The following NEBL variants were observed in gnomAD, a reference collection of about 807,000 sequenced individuals.
NEBL encodes LIM and SH3 protein 2.
NEBL carries 122 observed loss-of-function variants against 140.2 expected under a neutral mutation model. The ratio of observed to expected loss-of-function variants is 0.87; its 90% CI spans 0.75 to 1.01. NEBL has a LOEUF of 1.01. NEBL is among the 50% of genes least tolerant of loss of function. The probability of loss-of-function intolerance (pLI) is 0.00; values close to 1 mark genes in which losing one functional copy is unlikely to be tolerated. For synonymous variants in NEBL, 436 were observed against 398.9 expected, an observed-to-expected ratio of 1.09 and a Z score of -1.11; for missense variants, 1,365 against 1,231.3, an observed-to-expected ratio of 1.11 and a Z score of -1.62.
At chr10:20,826,389 T>C in intron 18 of NEBL, 58 bp downstream of exon 18, 2 of 1,321,750 alleles carry the variant, frequency 1.5e-6, no homozygotes, top group Non-Finnish European at 2.2e-6. Flanking sequence ...ACTAAAAACA[T>C]TTGTCTATAG....
At chr10:21,163,205 G>T (rs502246) in intron 2 of NEBL, among the ~76,000 whole-genome samples, 2 of 151,824 alleles carry the variant, frequency 1.3e-5, no homozygotes, top group Admixed American at 6.6e-5. Flanking sequence ...TAGAAACCCA[G>T]TTTTTTTTCC....
At chr10:20,938,510 A>G (rs1419113502) in intron 4 of NEBL, among the ~76,000 whole-genome samples, 1 of 152,226 alleles carries the variant, frequency 6.6e-6, no homozygotes, top group African/African-American at 2.4e-5. Context: ...AGAAAAGCTG[A>G]AAATTCTAAA....
At chr10:20,985,547 C>T (rs1837221898) in intron 3 of NEBL, among the ~76,000 whole-genome samples, 1 of 152,172 alleles carries the variant, frequency 6.6e-6, no homozygotes, top group Non-Finnish European at 1.5e-5. Context: ...CATGAAATCT[C>T]AATCTAAGCT....
intron 17 of NEBL, among the ~76,000 whole-genome samples, chr10:20,826,782 T>C (rs1354215681): frequency 6.6e-6 from 1 of 152,200 alleles, no homozygotes; most frequent in Non-Finnish European, 1.5e-5. Context: ...CTACCATGGC[T>C]GACTGCAGAT....
At chr10:21,193,873 T>C (rs2132219506) in intron 3 of NEBL, among the ~76,000 whole-genome samples, 1 of 152,358 alleles carries the variant, frequency 6.6e-6, no homozygotes, top group East Asian at 1.9e-4. Flanking sequence ...TCTTTTCACA[T>C]GCATATTATT....
chr10:20,961,049 A>T (rs1335860113), intron 4 of NEBL, among the ~76,000 whole-genome samples: 1 of 152,182 alleles, frequency 6.6e-6, no homozygotes. Flanking sequence ...AAGAAACATA[A>T]TCACAGGTGT....
At chr10:21,229,605 GGAGA>G (rs1483491317) in intron 3 of NEBL, among the ~76,000 whole-genome samples, 1 of 152,156 alleles carries the variant, frequency 6.6e-6, no homozygotes, top group Non-Finnish European at 1.5e-5. Flanking sequence ...TCATCTGACT[GGAGA>G]GTAAGTGGTG....
chr10:21,260,773 C>T (rs1195385223), intron 1 of NEBL, among the ~76,000 whole-genome samples: 2 of 152,180 alleles, frequency 1.3e-5, no homozygotes, highest in Non-Finnish European at 2.9e-5. Context: ...CTCATTATGC[C>T]CTTGCTGAAG....
intron 3 of NEBL, among the ~76,000 whole-genome samples, chr10:20,962,150 A>T (rs1836080613): frequency 6.6e-6 from 1 of 152,240 alleles, no homozygotes; most frequent in South Asian, 2.1e-4. Flanking sequence ...GATTATCACC[A>T]TTAATACCAT....
At chr10:21,188,930 G>A (rs1296707689) in intron 3 of NEBL, among the ~76,000 whole-genome samples, 3 of 151,886 alleles carry the variant, frequency 2.0e-5, no homozygotes, top group Non-Finnish European at 4.4e-5. Flanking sequence ...AAATAGAGTG[G>A]ATGAAAATTA....
chr10:21,223,292 T>A (rs1274283706), intron 3 of NEBL, among the ~76,000 whole-genome samples: 1 of 152,248 alleles, frequency 6.6e-6, no homozygotes, highest in Non-Finnish European at 1.5e-5. Flanking sequence ...TAAGTGAGAA[T>A]ATGTGAAGTT....
intron 3 of NEBL, among the ~76,000 whole-genome samples, chr10:20,968,839 C>T (rs1221420683): frequency 6.6e-6 from 1 of 152,152 alleles, no homozygotes; most frequent in African/African-American, 2.4e-5. Context: ...TGGTGAGGGT[C>T]GCAATATTTT....
intron 2 of NEBL, among the ~76,000 whole-genome samples, chr10:21,251,063 T>G (rs1842582211): frequency 6.6e-6 from 1 of 152,130 alleles, no homozygotes; most frequent in African/African-American, 2.4e-5. Context: ...ACCTAGTTAT[T>G]TAGTATAATC....
At chr10:21,227,711 T>TTCTTTTTTC (rs1456600511) in intron 3 of NEBL, among the ~76,000 whole-genome samples, 1 of 46,424 alleles carries the variant, frequency 2.2e-5, no homozygotes, top group African/African-American at 6.6e-5. Context: ...CTTCTTCTTC[T>TTCTTTTTTC]TTCTTCTTCT....
In NEBL at chr10:21,200,148, C is replaced by T. The variant is rs1841710165; in HGVS notation, n.349-27671G>A. On this transcript the variant is annotated intron_variant and non_coding_transcript_variant, in intron 3 of 8. Coordinates refer to the NEBL transcript ENST00000675702. ...GCCCAACCCTGCATTCCTCGCTACC[C>T]TACAGGTGCTGCACCAAAGAGCATG... Among the ~76,000 whole-genome samples, 5 of 152,076 alleles carry T rather than the reference C, an allele frequency of 3.3e-5. No individual in the cohort carries two copies. The South Asian group carries it at 1.0e-3, about 32-fold the overall frequency.
At chr10:21,252,358 AC>A (rs1234206215) in intron 1 of NEBL, among the ~76,000 whole-genome samples, 2 of 152,368 alleles carry the variant, frequency 1.3e-5, no homozygotes, top group African/African-American at 4.8e-5. Context: ...CTAAAGACAG[AC>A]AAAAAAAGCA....
chr10:21,125,645 A>G (rs1331632565), intron 2 of NEBL: 1 of 497,536 alleles, frequency 2.0e-6, no homozygotes, highest in Admixed American at 3.4e-5. Flanking sequence ...AGCCATCAAA[A>G]ATAGTTTGAT....
chr10:21,180,440 G>A (rs971270806), intron 3 of NEBL, among the ~76,000 whole-genome samples: 1 of 152,150 alleles, frequency 6.6e-6, no homozygotes, highest in African/African-American at 2.4e-5. Flanking sequence ...ATTTCAACAA[G>A]TGTCATTCTC....
Position 21,078,395 on chromosome 10 carries a change from A to T in NEBL, c.165-58194T>A, listed in dbSNP as rs550745313. Among the ~76,000 whole-genome samples the T allele has an allele frequency of 1.1e-4, 17 of 152,374 alleles. No homozygotes were observed. In the East Asian group the frequency reaches 2.9e-3, roughly 26 times the overall value. On this transcript the variant is annotated intron_variant, in intron 2 of 6. Coordinates refer to the NEBL transcript ENST00000417816. ...TCAGAAAAAGAAATACTCTAAATAA[A>T]AAACAAAAAGGTTACAGACTGTAAT...
Sources: allele counts gnomAD v4.1 joint callset (sites outside exome capture counted in the v4.1 genomes callset), GRCh38; gene constraint gnomAD v4.1.1; transcripts MANE v1.5; gene names NCBI Gene and HGNC (gene_info 2026-07-23, HGNC 2026-07-21).